HM13: variants seen among roughly 807,000 people sequenced by gnomAD.
The protein encoded by HM13 is histocompatibility minor 13.
HM13 carries 18 observed loss-of-function variants against 50.0 expected under a neutral mutation model. The observed-to-expected ratio is 0.36, with a 90% CI of 0.25 to 0.53. The LOEUF (loss-of-function observed/expected upper bound fraction) is 0.53. Ranked by LOEUF, HM13 falls within the 20% of genes least tolerant of loss-of-function variation. HM13 has a pLI of 0.90. For missense variants in HM13, 393 were observed against 552.4 expected, an observed-to-expected ratio of 0.71 and a Z score of 2.89; for synonymous variants, 197 against 232.6, an observed-to-expected ratio of 0.85 and a Z score of 1.39.
intron 10 of HM13, among the ~76,000 whole-genome samples, chr20:31,564,458 GC>G (rs1453656879): frequency 1.3e-5 from 2 of 151,842 alleles, no homozygotes; most frequent in Non-Finnish European, 2.9e-5. Flanking sequence ...ACACCTGTAG[GC>G]CCAGCAACTT....
chr20:31,567,598 T>A (rs1194874738), intron 11 of HM13: 2 of 152,488 alleles, frequency 1.3e-5, no homozygotes, highest in African/African-American at 4.8e-5. Context: ...CTCCTTTTTT[T>A]ATTGATTTAC....
intron 1 of HM13, among the ~76,000 whole-genome samples, chr20:31,525,880 C>G (rs1342235287): frequency 6.6e-6 from 1 of 152,142 alleles, no homozygotes; most frequent in Non-Finnish European, 1.5e-5. Context: ...AAGTCCAGCA[C>G]TTTGTGAGGC....
At chr20:31,520,182 A>G (rs1982067005) in intron 1 of HM13, among the ~76,000 whole-genome samples, 1 of 151,888 alleles carries the variant, frequency 6.6e-6, no homozygotes, top group African/African-American at 2.4e-5. Context: ...GATAGATTTT[A>G]CCATATGATC....
intron 10 of HM13, among the ~76,000 whole-genome samples, chr20:31,565,180 A>G (rs1323955405): frequency 1.3e-5 from 2 of 149,458 alleles, no homozygotes; most frequent in Middle Eastern, 3.5e-3. Context: ...AAAAAAAAAA[A>G]AGAAAGAAAC....
chr20:31,550,264 C>T (rs1983971503), intron 7 of HM13, 143 bp downstream of exon 7: 1 of 681,852 alleles, frequency 1.5e-6, no homozygotes, highest in Non-Finnish European at 2.7e-6. Flanking sequence ...GTTTCCTTAT[C>T]CTCAATTGAT....
chr20:31,561,001 G>C (rs924372714), intron 9 of HM13, among the ~76,000 whole-genome samples: 1 of 152,200 alleles, frequency 6.6e-6, no homozygotes, highest in Non-Finnish European at 1.5e-5. Flanking sequence ...GCAATGCCGG[G>C]CTGTATATGA....
chr20:31,529,244 G>A (rs561422834), intron 2 of HM13, among the ~76,000 whole-genome samples: 9 of 151,692 alleles, frequency 5.9e-5, no homozygotes, highest in South Asian at 2.1e-4. Context: ...CCCTTGTTTT[G>A]TTTGTTTTGT....
chr20:31,543,409 C>G (rs1207484904), intron 3 of HM13, among the ~76,000 whole-genome samples: 1 of 152,130 alleles, frequency 6.6e-6, no homozygotes, highest in African/African-American at 2.4e-5. Context: ...CCTCAGGCTC[C>G]TGAGTAGCTG....
chr20:31,543,515 C>G lies in HM13; in HGVS notation c.366-1432C>G, dbSNP rs1049771863. Among the ~76,000 whole-genome samples the G allele has an allele frequency of 3.3e-5, 5 of 151,910 alleles. No homozygotes were observed. In the South Asian group the frequency reaches 1.0e-3, roughly 32 times the overall value. ...TGTTGGCCAGGCTGGTCTCGAACTC[C>G]TGACCTCAAGTGATCCGCCACCTCA... is the stretch of plus-strand genomic sequence containing the variant. On this transcript the variant is annotated intron_variant, in intron 3 of 12. Coordinates refer to ENST00000398174, the MANE Select transcript of HM13 (RefSeq NM_178581.3).
intron 8 of HM13, among the ~76,000 whole-genome samples, chr20:31,557,750 G>GC (rs1984396723): frequency 1.3e-5 from 1 of 76,830 alleles, no homozygotes; most frequent in South Asian, 3.8e-4. Context: ...TGCTCTTGTT[G>GC]CCCAGGCAGT....
intron 8 of HM13, among the ~76,000 whole-genome samples, chr20:31,558,848 C>T (rs887822853): frequency 6.6e-6 from 1 of 152,108 alleles, no homozygotes; most frequent in South Asian, 2.1e-4. Flanking sequence ...CTCAGCCTCC[C>T]GAGTAGCTGG....
rs147931567 is a variant in HM13 at position 31,558,306 on chromosome 20, C to G, written c.809-1305C>G. Among the ~76,000 whole-genome samples the G allele has an allele frequency of 1.9e-3, 287 of 152,326 alleles. 2 individuals are homozygous for G. Among genetic ancestry groups the G allele is most frequent in the Admixed American group, 3.5e-3 (54 of 15,304 alleles). Reference sequence around the variant, plus strand: ...CCACTGCTTGCCCCTCCTCCTCCCCCCTCCAGCCACGCACTGCCACAGGGG... The same window carrying G: ...CCACTGCTTGCCCCTCCTCCTCCCCGCTCCAGCCACGCACTGCCACAGGGG... On this transcript the variant is annotated intron_variant, in intron 8 of 12. Transcript: ENST00000398174.
intron 1 of HM13, among the ~76,000 whole-genome samples, chr20:31,518,866 T>TAGAGAGAG (rs377009137): frequency 8.7e-5 from 13 of 149,302 alleles, no homozygotes; most frequent in African/African-American, 3.3e-4. Context: ...CATATATATA[T>TAGAGAGAG]AGAGAGAGAG....
intron 6 of HM13, among the ~76,000 whole-genome samples, chr20:31,549,616 G>T (rs1321311561): frequency 1.3e-5 from 2 of 152,172 alleles, no homozygotes; most frequent in African/African-American, 4.8e-5. Context: ...CTTGGCAAGG[G>T]AGTTGAGACT....
chr20:31,561,563 C>T (rs1233859652), intron 9 of HM13, 71 bp from the exon 10 acceptor site: 2 of 1,085,204 alleles, frequency 1.8e-6, no homozygotes, highest in Non-Finnish European at 2.9e-6. Context: ...CCCCAGCTCC[C>T]TCAGAAGGGG....
intron 1 of HM13, among the ~76,000 whole-genome samples, chr20:31,522,284 C>T (rs539447849): frequency 6.6e-6 from 1 of 152,142 alleles, no homozygotes; most frequent in Admixed American, 6.5e-5. Context: ...CTCCTCAAGC[C>T]GGGCATGGTG....
Position 31,547,965 on chromosome 20 carries a change from T to A in HM13, c.455-1064T>A. On this transcript the variant is annotated intron_variant, in intron 4 of 12. Coordinates refer to ENST00000398174, the MANE Select transcript of HM13 (RefSeq NM_178581.3). ...GGGTCATGAAGATGTCTGCAGAAGA[T>A]ATTGAGAAAGTCAACAAAGGAATTG... 3.3e-6 allele frequency: 5 copies of A among 1,529,594 alleles called. No individual in the cohort carries two copies. In the South Asian group the frequency reaches 5.6e-5, roughly 17 times the overall value. The allele number at this position is 1,529,594 out of a possible 1,614,324, so 94.8% of individuals were successfully genotyped here.
At chr20:31,569,037 G>A (rs1292624275) in intron 12 of HM13, 83 bp from the exon 13 acceptor site, 1 of 933,014 alleles carries the variant, frequency 1.1e-6, no homozygotes, top group Non-Finnish European at 1.6e-6. Flanking sequence ...CCTAGGATGG[G>A]GGTGGGGGAA....
At chr20:31,520,548 C>T (rs1443676294) in intron 1 of HM13, among the ~76,000 whole-genome samples, 15 of 152,146 alleles carry the variant, frequency 9.9e-5, no homozygotes, top group African/African-American at 2.4e-5. Context: ...AAGTGATCCG[C>T]CCACCTCGGC....
Sources: allele counts gnomAD v4.1 joint callset (sites outside exome capture counted in the v4.1 genomes callset), GRCh38; gene constraint gnomAD v4.1.1; transcripts MANE v1.5; gene names NCBI Gene and HGNC (gene_info 2026-07-23, HGNC 2026-07-21).